The following AR variants were observed in gnomAD, a reference collection of about 807,000 sequenced individuals.
The protein encoded by AR is androgen receptor, also known as dihydrotestosterone receptor.
In AR, 8 loss-of-function variants were observed where a neutral mutation model predicts 53.9. That is an observed-to-expected ratio of 0.15 (90% CI 0.09 to 0.27). The LOEUF (loss-of-function observed/expected upper bound fraction) is 0.27, where lower values mean the gene tolerates loss of function less well. Among genes scored for constraint, AR ranks in the 10% least tolerant of loss-of-function variants. The pLI is 1.00. For missense variants in AR, 639 were observed against 742.5 expected, an observed-to-expected ratio of 0.86 and a Z score of 1.62; for synonymous variants, 359 against 316.4, an observed-to-expected ratio of 1.13 and a Z score of -1.43.
intron 2 of AR, among the ~76,000 whole-genome samples, chrX:67,661,368 A>G (rs1720407908): frequency 9.0e-6 from 1 of 111,106 alleles, no homozygotes; most frequent in Non-Finnish European, 1.9e-5. Flanking sequence ...GATAGCTCTT[A>G]TTATTTTGAG....
intron 1 of AR, among the ~76,000 whole-genome samples, chrX:67,622,813 A>G (rs1372305578): frequency 2.7e-5 from 3 of 112,057 alleles, no homozygotes; most frequent in Middle Eastern, 4.6e-3. Flanking sequence ...TTCTTCCTAT[A>G]GCAATTGCCA....
chrX:67,632,349 T>C (rs1925193758), intron 1 of AR, among the ~76,000 whole-genome samples: 2 of 112,477 alleles, frequency 1.8e-5, no homozygotes, highest in African/African-American at 6.5e-5. Flanking sequence ...TGGTGCGCCG[T>C]TTTTTAAGCC....
In AR at chrX:67,630,364, G is replaced by C. The variant is rs767993681; in HGVS notation, c.1617-12892G>C. 2.9e-3 allele frequency among the ~76,000 whole-genome samples: 320 copies of C among 111,616 alleles called. 1 individual carries two copies. Among genetic ancestry groups the C allele is most frequent in the African/African-American group, 9.8e-3 (302 of 30,694 alleles). ...ATATTTAGGATACTTAGCTCTTCTT[G>C]TTGAATTGATCCCTTTACCATTATG... On this transcript the variant is annotated intron_variant, in intron 1 of 7. Transcript: ENST00000374690.
intron 3 of AR, chrX:67,695,364 C>T (rs914520853): frequency 1.3e-6 from 1 of 751,988 alleles, no homozygotes; most frequent in African/African-American, 2.3e-5. Flanking sequence ...TCTGCTTCTC[C>T]AGGAGAAGAA....
At position 67,638,772 on chromosome X, in the gene AR, A is replaced by G. The variant is rs761650123; in HGVS notation, c.1617-4484A>G. ...CTGCAGAAATTTTCTCCCATTCTGT[A>G]GGTTGCTTGTTCACTCTGATGATCG... On this transcript the variant is annotated intron_variant, in intron 1 of 7. Transcript: ENST00000374690. Among the ~76,000 whole-genome samples the G allele has an allele frequency of 2.7e-5, 3 of 111,977 alleles. No individual in the cohort carries two copies. In the East Asian group the frequency reaches 8.5e-4, roughly 32 times the overall value.
intron 2 of AR, among the ~76,000 whole-genome samples, chrX:67,679,454 ATGCTACAATAAACT>A (rs1467192096): frequency 9.8e-5 from 11 of 111,848 alleles, no homozygotes; most frequent in Non-Finnish European, 1.9e-4. Context: ...TATTTAAATA[ATGCTACAATAAACT>A]TCTATTTTGT....
At chrX:67,549,167 A>G (rs1185615156) in intron 1 of AR, among the ~76,000 whole-genome samples, 3 of 111,532 alleles carry the variant, frequency 2.7e-5, no homozygotes, top group Non-Finnish European at 3.8e-5. Flanking sequence ...TTTTTCCCTC[A>G]TTTTGTAGGG....
intron 1 of AR, among the ~76,000 whole-genome samples, chrX:67,624,616 A>G (rs1352515896): frequency 9.0e-6 from 1 of 110,958 alleles, no homozygotes; most frequent in East Asian, 2.8e-4. Flanking sequence ...CTTTCTAAAA[A>G]TCTCAACAAA....
At chrX:67,685,415 G>A (rs190131000) in intron 2 of AR, among the ~76,000 whole-genome samples, 1 of 111,400 alleles carries the variant, frequency 9.0e-6, no homozygotes, top group Non-Finnish European at 1.9e-5. Context: ...TTTACTTGCT[G>A]TGATTCACTA....
chrX:67,664,877 C>T (rs1022151123), intron 2 of AR, among the ~76,000 whole-genome samples: 43 of 112,665 alleles, frequency 3.8e-4, no homozygotes, highest in Non-Finnish European at 9.4e-5. Flanking sequence ...GCTATACTAG[C>T]AATGAGCGAG....
chrX:67,722,229 T>C (rs2076138920), intron 6 of AR: 1 of 345,198 alleles, frequency 2.9e-6, no homozygotes, highest in African/African-American at 2.6e-5. Flanking sequence ...ACAAGGCCTT[T>C]TTGACTGGTT....
intron 2 of AR, among the ~76,000 whole-genome samples, chrX:67,674,196 C>A (rs752138404): frequency 9.3e-6 from 1 of 107,454 alleles, no homozygotes; most frequent in Non-Finnish European, 1.9e-5. Context: ...TCTCTCTCTC[C>A]CTCTCATTCT....
chrX:67,633,643 G>A (rs1319869867), intron 1 of AR, among the ~76,000 whole-genome samples: 1 of 111,922 alleles, frequency 8.9e-6, no homozygotes, highest in African/African-American at 3.2e-5. Flanking sequence ...GACGACAAAT[G>A]TCTTCCAAAT....
intron 1 of AR, among the ~76,000 whole-genome samples, chrX:67,577,388 G>A (rs997850204): frequency 2.7e-5 from 3 of 110,842 alleles, no homozygotes; most frequent in Non-Finnish European, 5.7e-5. Flanking sequence ...TGGACATTTG[G>A]GTTGTTTTCA....
At chrX:67,606,823 G>A (rs1334909122) in intron 1 of AR, among the ~76,000 whole-genome samples, 1 of 111,837 alleles carries the variant, frequency 8.9e-6, no homozygotes, top group Non-Finnish European at 1.9e-5. Flanking sequence ...TGAAACCAGA[G>A]ATAGTGGGAT....
chrX:67,654,453 C>T (rs975774315), intron 2 of AR, among the ~76,000 whole-genome samples: 1 of 110,798 alleles, frequency 9.0e-6, no homozygotes, highest in Admixed American at 9.7e-5. Flanking sequence ...TCAATCTCTT[C>T]CTCTTTACTT....
At chrX:67,664,857 G>A (rs775845512) in intron 2 of AR, among the ~76,000 whole-genome samples, 3 of 112,504 alleles carry the variant, frequency 2.7e-5, no homozygotes, top group Middle Eastern at 4.6e-3. Flanking sequence ...TTGCAGTTTG[G>A]TCTCAGACTG....
intron 1 of AR, among the ~76,000 whole-genome samples, chrX:67,623,299 A>T (rs768291883): frequency 8.7e-4 from 97 of 111,772 alleles, no homozygotes; most frequent in Non-Finnish European, 1.4e-3. Flanking sequence ...GTATTCAAGA[A>T]AAACTTCGGT....
chrX:67,675,538 G>T (rs1398763143), intron 2 of AR, among the ~76,000 whole-genome samples: 1 of 111,393 alleles, frequency 9.0e-6, no homozygotes, highest in African/African-American at 3.3e-5. Flanking sequence ...GGCACTGGCT[G>T]AGTTCTGCTC....
Sources: allele counts gnomAD v4.1 joint callset (sites outside exome capture counted in the v4.1 genomes callset), GRCh38; gene constraint gnomAD v4.1.1; transcripts MANE v1.5; gene names NCBI Gene and HGNC (gene_info 2026-07-23, HGNC 2026-07-21).